SEM1: variants seen among roughly 807,000 people sequenced by gnomAD.
SEM1 encodes the protein 26S proteasome complex subunit SEM1.
In SEM1, 3 loss-of-function variants were observed where a neutral mutation model predicts 12.7. The ratio of observed to expected loss-of-function variants is 0.24; its 90% CI spans 0.11 to 0.61. The LOEUF is 0.61. Among genes scored for constraint, SEM1 ranks in the 20% least tolerant of loss-of-function variants. SEM1 has a pLI of 0.88. For missense variants in SEM1, 59 were observed against 81.3 expected, an observed-to-expected ratio of 0.73 and a Z score of 1.06; for synonymous variants, 30 against 27.8, an observed-to-expected ratio of 1.08 and a Z score of -0.25.
In SEM1 at chr7:96,694,552, T is replaced by C. The variant is rs142228796; in HGVS notation, c.170+246A>G. 6.0e-4 allele frequency among the ~76,000 whole-genome samples: 91 copies of C among 152,002 alleles called. 2 individuals carry two copies. Among genetic ancestry groups the C allele is most frequent in the Middle Eastern group, 3.4e-3 (1 of 294 alleles). ...GAATTAAATTCCTAAGGATAAGAAA[T>C]AGCAAATATGCTTCTATTTTACTAC... On this transcript the variant is annotated intron_variant, in intron 2 of 2. Transcript: ENST00000248566.
chr7:96,580,159 C>G (rs1187081031), intron 2 of SEM1, among the ~76,000 whole-genome samples: 2 of 143,202 alleles, frequency 1.4e-5, no homozygotes, highest in African/African-American at 5.2e-5. Flanking sequence ...GTGATGTTCC[C>G]CTTCCTGTGT....
intron 2 of SEM1, among the ~76,000 whole-genome samples, chr7:96,577,303 T>C (rs1331633253): frequency 1.3e-5 from 2 of 152,092 alleles, no homozygotes; most frequent in African/African-American, 4.8e-5. Flanking sequence ...CATATCTGTT[T>C]AGAGGATCAA....
chr7:96,611,770 T>C (rs568039606), intron 2 of SEM1, among the ~76,000 whole-genome samples: 2 of 152,328 alleles, frequency 1.3e-5, no homozygotes, highest in South Asian at 4.1e-4. Flanking sequence ...ATTATACTCA[T>C]GAACAACTCC....
chr7:96,520,850 T>TA (rs1232025272), intron 2 of SEM1, among the ~76,000 whole-genome samples: 8 of 152,144 alleles, frequency 5.3e-5, no homozygotes, highest in Admixed American at 5.2e-4. Context: ...TCTGGGTTCT[T>TA]ATCGGAGAGA....
At chr7:96,495,849 G>A (rs1307142599) in intron 1 of SEM1, among the ~76,000 whole-genome samples, 3 of 152,108 alleles carry the variant, frequency 2.0e-5, no homozygotes, top group Non-Finnish European at 4.4e-5. Context: ...GCACCAGGCA[G>A]AGGTTTCATT....
At chr7:96,699,530 C>T (rs981971107) in intron 1 of SEM1, among the ~76,000 whole-genome samples, 17 of 152,122 alleles carry the variant, frequency 1.1e-4, no homozygotes, top group Non-Finnish European at 2.1e-4. Flanking sequence ...ATGCTGAGGC[C>T]ACAAACCACC....
chr7:96,698,243 T>C (rs1220206442), intron 1 of SEM1, among the ~76,000 whole-genome samples: 1 of 151,052 alleles, frequency 6.6e-6, no homozygotes, highest in East Asian at 2.0e-4. Context: ...TTGGTTCTCT[T>C]TGTTGATTTG....
At chr7:96,487,385 T>G (rs1182954054) in intron 1 of SEM1, among the ~76,000 whole-genome samples, 1 of 150,078 alleles carries the variant, frequency 6.7e-6, no homozygotes, top group Non-Finnish European at 1.5e-5. Context: ...GATGTTTTGA[T>G]CAGTATGGAC....
intron 2 of SEM1, among the ~76,000 whole-genome samples, chr7:96,543,716 G>T (rs538526175): frequency 2.2e-4 from 34 of 152,044 alleles, no homozygotes; most frequent in South Asian, 6.2e-4. Flanking sequence ...CGGTTTTTTA[G>T]AATTTCTTAG....
intron 2 of SEM1, among the ~76,000 whole-genome samples, chr7:96,654,435 G>A (rs1471397240): frequency 1.3e-5 from 2 of 152,200 alleles, no homozygotes; most frequent in Non-Finnish European, 2.9e-5. Context: ...TTATGATGGT[G>A]TGAAAGCTGT....
intron 2 of SEM1, among the ~76,000 whole-genome samples, chr7:96,530,593 G>A (rs367764097): frequency 5.1e-4 from 78 of 152,202 alleles, no homozygotes; most frequent in African/African-American, 1.7e-3. Context: ...GGGCATCAGG[G>A]TCCTCATGAG....
downstream of SEM1, among the ~76,000 whole-genome samples, chr7:96,620,069 G>A (rs1211269602): frequency 6.6e-6 from 1 of 152,126 alleles, no homozygotes; most frequent in Non-Finnish European, 1.5e-5. Context: ...ATGTAGGAGA[G>A]CCTAGTTTCC....
intron 2 of SEM1, among the ~76,000 whole-genome samples, chr7:96,629,578 C>T (rs1462292145): frequency 6.6e-6 from 1 of 152,066 alleles, no homozygotes; most frequent in African/African-American, 2.4e-5. Context: ...CTCAAAACAG[C>T]TATTTTGAAT....
At chr7:96,657,733 C>T (rs1053520189) in intron 2 of SEM1, among the ~76,000 whole-genome samples, 2 of 152,224 alleles carry the variant, frequency 1.3e-5, no homozygotes, top group African/African-American at 4.8e-5. Context: ...AAAAGAATTT[C>T]CTGCTAAAAA....
chr7:96,662,246 A>G (rs1213412942), intron 2 of SEM1, among the ~76,000 whole-genome samples: 4 of 152,206 alleles, frequency 2.6e-5, no homozygotes, highest in Non-Finnish European at 5.9e-5. Context: ...AGCACTATTT[A>G]CAATAGCAAA....
intron 2 of SEM1, among the ~76,000 whole-genome samples, chr7:96,539,829 C>A (rs1407713698): frequency 6.6e-6 from 1 of 151,542 alleles, no homozygotes; most frequent in Non-Finnish European, 1.5e-5. Context: ...TAAATGAATT[C>A]ATGGGCTTAA....
chr7:96,645,279 G>A (rs1337009795), intron 2 of SEM1: 2 of 152,670 alleles, frequency 1.3e-5, no homozygotes, highest in African/African-American at 4.8e-5. Context: ...TTGCCCTCAG[G>A]GAGTTCAAGG....
chr7:96,527,829 C>A (rs939680613), intron 2 of SEM1, among the ~76,000 whole-genome samples: 1 of 152,120 alleles, frequency 6.6e-6, no homozygotes, highest in African/African-American at 2.4e-5. Flanking sequence ...AAGCAAACCT[C>A]ATTTGTTCTA....
chr7:96,626,757 T>G (rs1009180262), intron 2 of SEM1, among the ~76,000 whole-genome samples: 3 of 152,132 alleles, frequency 2.0e-5, no homozygotes, highest in East Asian at 3.8e-4. Context: ...TTTCTTTTAT[T>G]GATGTATCTG....
Sources: gnomAD v4.1 joint callset for allele counts (sites outside exome capture counted in the v4.1 genomes callset) on GRCh38, gnomAD v4.1.1 for gene constraint, MANE v1.5 for transcripts, NCBI Gene and HGNC (gene_info 2026-07-23, HGNC 2026-07-21) for gene names.